SETX: variants seen among roughly 807,000 people sequenced by gnomAD.
SETX encodes helicase senataxin.
Under a neutral mutation model 227.2 loss-of-function variants are expected in SETX, and 90 were observed. That is an observed-to-expected ratio of 0.40 (90% CI 0.33 to 0.47). SETX has a LOEUF of 0.47. Among genes scored for constraint, SETX ranks in the 20% least tolerant of loss-of-function variants. The pLI, the probability that SETX is intolerant of heterozygous loss-of-function variation, is 0.91. For missense variants in SETX, 3,052 were observed against 3,181.5 expected (o/e 0.96, Z 0.98); for synonymous variants, 1,210 against 1,113.2 (o/e 1.09, Z -1.73).
intron 15 of SETX, among the ~76,000 whole-genome samples, chr9:132,289,850 G>T (rs1316708074): frequency 6.6e-6 from 1 of 152,008 alleles, no homozygotes; most frequent in Non-Finnish European, 1.5e-5. Context: ...CTTTCTTCTT[G>T]TCCTTTTGGT....
At chr9:132,315,311 A>C (rs774500181) in intron 10 of SETX, among the ~76,000 whole-genome samples, 4 of 152,188 alleles carry the variant, frequency 2.6e-5, no homozygotes, top group African/African-American at 4.8e-5. Context: ...CTTGACTTAC[A>C]TAAGACAGCC....
rs1418585910 is a variant in SETX, at chr9:132,261,836, A to G, written c.*2403T>C. The stretch of plus-strand genomic sequence containing the variant: ...AGCACATATTCATTTGAAATAACTA[A>G]TATTGAAAGAAGACAGGGAACTTTC... On this transcript the variant is annotated 3_prime_UTR_variant, in exon 26 of 26. Coordinates refer to ENST00000224140, the MANE Select transcript of SETX (RefSeq NM_015046.7). 1 of 154,756 alleles carries G rather than the reference A, an allele frequency of 6.5e-6. No individual in the cohort carries two copies. Among genetic ancestry groups the G allele is most frequent in the African/African-American group, 2.4e-5 (1 of 41,542 alleles). 9.6% of individuals were successfully genotyped at this position (154,756 alleles called of 1,614,324 possible). A position where few individuals can be genotyped will look rare whatever the true frequency, so the allele number is the denominator to read the frequency against.
Position 132,263,760 on chromosome 9 carries a change from T to C in SETX, c.*479A>G. On this transcript the variant is annotated 3_prime_UTR_variant, in exon 26 of 26. Transcript: ENST00000224140. ...ATTCCAAGCTAGGCTGTTAAATAAT[T>C]ATCTGTCTTGCTCTAACAATGGTTG... 1 of 166,028 alleles carries C rather than the reference T, an allele frequency of 6.0e-6. No homozygotes were observed. The highest frequency in any genetic ancestry group is 1.3e-5 in the Non-Finnish European group (1 of 76,068). The allele number at this position is 166,028 out of a possible 1,614,324, so 10.3% of individuals were successfully genotyped here.
chr9:132,348,703 A>G (rs1848447120), intron 3 of SETX, among the ~76,000 whole-genome samples: 1 of 151,482 alleles, frequency 6.6e-6, no homozygotes, highest in African/African-American at 2.4e-5. Context: ...AACCGGAAGG[A>G]TCACTTGAGC....
In SETX at chr9:132,300,611, T is replaced by C. The variant is rs201294921; in HGVS notation, c.5548+19A>G. 360 of 1,611,876 alleles carry C rather than the reference T, an allele frequency of 2.2e-4. 1 individual carries two copies. The African/African-American group carries it at 4.3e-3, about 19-fold the overall frequency. ...GACTGTATCTGACATTTCCTGTCAATGCCTCATTATTTACTTACTGACTGA... is the reference window on the plus strand; with the variant it reads ...GACTGTATCTGACATTTCCTGTCAACGCCTCATTATTTACTTACTGACTGA... On this transcript the variant is annotated intron_variant, in intron 12 of 25. Coordinates refer to ENST00000224140, the MANE Select transcript of SETX (RefSeq NM_015046.7).
intron 1 of SETX, among the ~76,000 whole-genome samples, chr9:132,354,402 G>A (rs1360139544): frequency 1.3e-5 from 2 of 151,302 alleles, no homozygotes; most frequent in Non-Finnish European, 2.9e-5. Flanking sequence ...GGGATGAGGC[G>A]GAAGGATCGC....
At chr9:132,311,515 AG>A (rs778400790) in intron 11 of SETX, among the ~76,000 whole-genome samples, 4 of 152,186 alleles carry the variant, frequency 2.6e-5, no homozygotes, top group Non-Finnish European at 4.4e-5. Flanking sequence ...TCCCATTCCC[AG>A]CCCCCACTGA....
At chr9:132,334,765 T>C (rs1406019530) in intron 6 of SETX, 38 bp from the exon 7 acceptor site, 1 of 1,608,582 alleles carries the variant, frequency 6.2e-7, no homozygotes, top group East Asian at 2.2e-5. Flanking sequence ...ATTGATGAAA[T>C]AATACTATAC....
At chr9:132,299,844 TAAG>T (rs1478576194) in intron 12 of SETX, among the ~76,000 whole-genome samples, 2 of 152,020 alleles carry the variant, frequency 1.3e-5, no homozygotes, top group African/African-American at 4.8e-5. Flanking sequence ...TAAATGTACA[TAAG>T]AAGGACAAGT....
intron 10 of SETX, among the ~76,000 whole-genome samples, chr9:132,320,435 C>A (rs1299292279): frequency 2.0e-5 from 3 of 151,770 alleles, no homozygotes; most frequent in Non-Finnish European, 4.4e-5. Flanking sequence ...CAAAAATTAG[C>A]CAGACGTGGT....
rs1171950431 is a variant in SETX, at chr9:132,326,393, G to T, written c.5205C>A (p.Val1735=). 6.2e-7 allele frequency: 1 copy of T among 1,614,066 alleles called. No individual in the cohort carries two copies. Among genetic ancestry groups the T allele is most frequent in the South Asian group, 1.1e-5 (1 of 91,074 alleles). Residue 1735 remains valine, a synonymous_variant, in exon 10 of 26, where the codon GTC becomes GTA. Transcript: ENST00000224140. ...LCQSISRPVP[V]RFHNYGDYFN... ...AATAATCTCCATAATTGTGAAATCT[G>T]ACAGGCACAGGTCTTGAGATGGACT... is the stretch of plus-strand genomic sequence containing the variant.
chr9:132,345,108 T>C (rs1163373207), intron 4 of SETX, among the ~76,000 whole-genome samples: 2 of 152,062 alleles, frequency 1.3e-5, no homozygotes, highest in Non-Finnish European at 2.9e-5. Flanking sequence ...TTTTTGGTTG[T>C]CACAAAGGAG....
chr9:132,334,380 G>A (rs1014676420), intron 7 of SETX, among the ~76,000 whole-genome samples: 1 of 152,166 alleles, frequency 6.6e-6, no homozygotes, highest in African/African-American at 2.4e-5. Context: ...CCCAGGAGGT[G>A]GAGGTTGCAG....
intron 12 of SETX, among the ~76,000 whole-genome samples, chr9:132,298,583 G>C (rs138199377): frequency 6.3e-4 from 96 of 152,242 alleles, no homozygotes; most frequent in African/African-American, 2.2e-3. Flanking sequence ...GAAGTGATGG[G>C]GATGGAGGCA....
At chr9:132,292,430 A>AG (rs1489142097) in intron 15 of SETX, among the ~76,000 whole-genome samples, 11 of 149,212 alleles carry the variant, frequency 7.4e-5, no homozygotes, top group South Asian at 2.1e-4. Flanking sequence ...AAAAAAAAAA[A>AG]AAAAAAAGAA....
At chr9:132,355,717 T>G (rs1031498592), upstream of SETX, among the ~76,000 whole-genome samples, 7 of 151,960 alleles carry the variant, frequency 4.6e-5, no homozygotes, top group Non-Finnish European at 8.8e-5. Context: ...CCGGGCGCGG[T>G]GGCTCACGCC....
upstream of SETX, among the ~76,000 whole-genome samples, chr9:132,356,501 C>T (rs573886787): frequency 8.5e-5 from 13 of 152,314 alleles, no homozygotes; most frequent in East Asian, 1.9e-4. Flanking sequence ...CGCACCCGGC[C>T]CCTACCCCCT....
At position 132,263,565 on chromosome 9, in the gene SETX, A is replaced by T. The variant is rs1842487638; in HGVS notation, c.*674T>A. ...GTAAATGAACTCATCACAGAAATAT[A>T]ATACCCTGGGCCAATGCACTCTATC... On this transcript the variant is annotated 3_prime_UTR_variant, in exon 26 of 26. Transcript: ENST00000224140. 2.0e-5 allele frequency: 3 copies of T among 152,270 alleles called. No homozygotes were observed. The highest frequency in any genetic ancestry group is 4.4e-5 in the Non-Finnish European group (3 of 68,116). 9.4% of individuals were successfully genotyped at this position (152,270 alleles called of 1,614,324 possible).
intron 10 of SETX, among the ~76,000 whole-genome samples, chr9:132,324,492 G>A (rs523834): frequency 0.75 from 114,023 of 152,094 alleles, 44,024 homozygotes; most frequent in Non-Finnish European, 0.84. Context: ...GACTGTCTTT[G>A]CACTCCACTC....
Sources: gnomAD v4.1 joint callset for allele counts (sites outside exome capture counted in the v4.1 genomes callset) on GRCh38, gnomAD v4.1.1 for gene constraint, MANE v1.5 for transcripts, NCBI Gene and HGNC (gene_info 2026-07-23, HGNC 2026-07-21) for gene names.